Variants in UNC45A observed in about 807,000 individuals in gnomAD.
The protein encoded by UNC45A is unc-45 myosin chaperone A.
In UNC45A, 78 loss-of-function variants were observed where a neutral mutation model predicts 103.2. That is an observed-to-expected ratio of 0.76 (90% confidence interval 0.63 to 0.91). The LOEUF is 0.91. UNC45A is among the 40% of genes least tolerant of loss of function. UNC45A has a pLI of 0.00. For synonymous variants in UNC45A, 495 were observed against 504.6 expected (o/e 0.98, Z 0.25); for missense variants, 1,193 against 1,224.8 (o/e 0.97, Z 0.39).
chr15:90,935,925 G>C (rs763767477), intron 2 of UNC45A, 21 bp from the exon 3 acceptor site: 3 of 1,614,008 alleles, frequency 1.9e-6, no homozygotes, highest in Non-Finnish European at 2.5e-6. Flanking sequence ...ATTCCTTCAG[G>C]CTCCTGTCTT....
upstream of UNC45A, chr15:90,932,457 C>T (rs1370545258): frequency 5.2e-6 from 7 of 1,337,430 alleles, no homozygotes; most frequent in South Asian, 4.1e-5. Flanking sequence ...AGGGGGTCCC[C>T]TCGGGGTCCT....
chr15:90,948,944 T>C, intron 13 of UNC45A, 150 bp downstream of exon 13: 1 of 1,048,954 alleles, frequency 9.5e-7, no homozygotes, highest in South Asian at 1.8e-5. Context: ...TGATGCGATC[T>C]CGGCTCACTG....
upstream of UNC45A, chr15:90,932,486 G>A: frequency 1.5e-6 from 2 of 1,309,062 alleles, no homozygotes; most frequent in Admixed American, 3.7e-5. Context: ...TGCTGCCGGT[G>A]CTTGCGAGCC....
upstream of UNC45A, chr15:90,933,482 T>G (rs2151350712): frequency 6.6e-6 from 1 of 152,268 alleles, no homozygotes; most frequent in African/African-American, 2.4e-5. Flanking sequence ...CTAAGTATAC[T>G]CTAATCAGAC....
rs1325146232 is a variant in UNC45A, at chr15:90,935,324, G to C, written c.-1G>C. The C allele has an allele frequency of 1.2e-6, 2 of 1,603,544 alleles. No homozygotes were observed. The highest frequency in any genetic ancestry group is 1.3e-5 in the African/African-American group (1 of 74,728). ...CGCGGGCACGAGACAACCTCTCCGC[G>C]ATGACTGTGAGTGGTCCAGGGACCC... On this transcript the variant is annotated 5_prime_UTR_variant, in exon 1 of 20. Coordinates refer to ENST00000418476, the MANE Select transcript of UNC45A (RefSeq NM_018671.5).
At chr15:90,935,265 A>G (rs2151352766), upstream of UNC45A, 1 of 1,525,122 alleles carries the variant, frequency 6.6e-7, no homozygotes, top group Non-Finnish European at 8.9e-7. Context: ...GGCGTCCCGA[A>G]CCCAGACTCG....
upstream of UNC45A, chr15:90,934,363 G>A (rs2035906754): frequency 2.5e-6 from 1 of 398,928 alleles, no homozygotes; most frequent in Non-Finnish European, 4.4e-6. Context: ...CCTCACTTGT[G>A]CCAGACCACC....
intron 17 of UNC45A, among the ~76,000 whole-genome samples, chr15:90,951,844 G>T (rs1255680902): frequency 6.6e-6 from 1 of 152,130 alleles, no homozygotes; most frequent in Non-Finnish European, 1.5e-5. Context: ...CTTGAGCCTG[G>T]GGGGGTCAAG....
At chr15:90,933,834 C>G, upstream of UNC45A, 1 of 387,578 alleles carries the variant, frequency 2.6e-6, no homozygotes, top group Non-Finnish European at 4.6e-6. Flanking sequence ...TTTGGCAATG[C>G]AGGCCCCACG....
chr15:90,932,491 C>A, upstream of UNC45A: 1 of 1,314,902 alleles, frequency 7.6e-7, no homozygotes, highest in Non-Finnish European at 9.7e-7. Flanking sequence ...CCGGTGCTTG[C>A]GAGCCGCGAA....
chr15:90,946,014 T>C (rs1596230353), intron 9 of UNC45A, among the ~76,000 whole-genome samples: 2 of 146,654 alleles, frequency 1.4e-5, no homozygotes, highest in Admixed American at 6.8e-5. Flanking sequence ...CTTTGGGAGG[T>C]GGAGGCAGGT....
chr15:90,951,976 G>A (rs1174622108), intron 17 of UNC45A, among the ~76,000 whole-genome samples: 6 of 150,952 alleles, frequency 4.0e-5, no homozygotes, highest in Admixed American at 1.3e-4. Flanking sequence ...TCACCATCAC[G>A]ACCACCCTGG....
At chr15:90,931,643 A>G, upstream of UNC45A, 3 of 1,614,054 alleles carry the variant, frequency 1.9e-6, no homozygotes, top group Non-Finnish European at 2.5e-6. Context: ...ACTGACCAAC[A>G]TGTGTCTTCA....
At chr15:90,932,580 G>T, upstream of UNC45A, 1 of 1,189,624 alleles carries the variant, frequency 8.4e-7, no homozygotes, top group Non-Finnish European at 1.1e-6. Context: ...CAGGGGCAGG[G>T]ACGGAACGTT....
At chr15:90,951,038 T>G (rs1463888968) in intron 17 of UNC45A, among the ~76,000 whole-genome samples, 2 of 152,178 alleles carry the variant, frequency 1.3e-5, no homozygotes, top group Non-Finnish European at 2.9e-5. Flanking sequence ...GACGGAGTCT[T>G]GCTCTGTCAC....
At chr15:90,948,332 G>C in intron 12 of UNC45A, 49 bp downstream of exon 12, 1 of 1,604,814 alleles carries the variant, frequency 6.2e-7, no homozygotes, top group East Asian at 2.2e-5. Flanking sequence ...TCTAGGATTA[G>C]ACCTTACCAG....
chr15:90,943,062 C>A lies in UNC45A; in HGVS notation c.1007C>A (p.Thr336Asn). Residue 336 changes from threonine to asparagine, a missense_variant, in exon 8 of 20, where the codon ACC becomes AAC. Transcript: ENST00000418476. ...KSLKDPNNSL[T>N]LWVIDQGLKK... Reference sequence around the variant, plus strand: ...CTCAAGGACCCCAACAACAGCCTCACCCTCTGGGTCATCGACCAAGGTAGG... The same window carrying A: ...CTCAAGGACCCCAACAACAGCCTCAACCTCTGGGTCATCGACCAAGGTAGG... The A allele has an allele frequency of 6.2e-7, 1 of 1,612,702 alleles. No individual in the cohort carries two copies. Among genetic ancestry groups the A allele is most frequent in the Non-Finnish European group, 8.5e-7 (1 of 1,179,296 alleles).
At chr15:90,936,548 T>G in intron 4 of UNC45A, 88 bp downstream of exon 4, 1 of 1,464,688 alleles carries the variant, frequency 6.8e-7, no homozygotes, top group Non-Finnish European at 9.1e-7. Flanking sequence ...CCAGACGAGA[T>G]CCCGGTGGCA....
upstream of UNC45A, chr15:90,933,168 C>T (rs7166987): frequency 0.032 from 4,853 of 152,332 alleles, 274 homozygotes; most frequent in African/African-American, 0.11. Flanking sequence ...GTAGCTGTGA[C>T]GTTTCTGCAG....
Sources: gnomAD v4.1 joint callset for allele counts (sites outside exome capture counted in the v4.1 genomes callset) on GRCh38, gnomAD v4.1.1 for gene constraint, MANE v1.5 for transcripts, NCBI Gene and HGNC (gene_info 2026-07-23, HGNC 2026-07-21) for gene names.